DAGLB: variants seen among roughly 807,000 people sequenced by gnomAD.
DAGLB encodes the protein diacylglycerol lipase-beta.
Under a neutral mutation model 72.1 loss-of-function variants are expected in DAGLB, and 66 were observed. The observed-to-expected ratio is 0.92, with a 90% CI of 0.75 to 1.12. The LOEUF (loss-of-function observed/expected upper bound fraction) is 1.12, where lower values mean the gene tolerates loss of function less well. Ranked by LOEUF, DAGLB falls within the 50% of genes most tolerant of loss-of-function variation. The pLI is 0.00. For synonymous variants in DAGLB, 414 were observed against 359.5 expected, an observed-to-expected ratio of 1.15 and a Z score of -1.71; for missense variants, 1,065 against 884.9, an observed-to-expected ratio of 1.20 and a Z score of -2.58.
intron 13 of DAGLB, among the ~76,000 whole-genome samples, chr7:6,412,340 G>C (rs1045548958): frequency 6.6e-6 from 1 of 152,306 alleles, no homozygotes; most frequent in South Asian, 2.1e-4. Context: ...CTATTTGGCA[G>C]CCTTGCTTTC....
intron 2 of DAGLB, among the ~76,000 whole-genome samples, chr7:6,440,464 C>T (rs1022737632): frequency 6.6e-6 from 1 of 152,174 alleles, no homozygotes; most frequent in Non-Finnish European, 1.5e-5. Context: ...GACTGAATTC[C>T]ACCTGCTCCA....
chr7:6,442,213 G>A (rs1057485733), intron 2 of DAGLB, among the ~76,000 whole-genome samples: 4 of 152,112 alleles, frequency 2.6e-5, no homozygotes, highest in African/African-American at 4.8e-5. Context: ...CTTGGTATGT[G>A]TGGGATGGGG....
intron 6 of DAGLB, among the ~76,000 whole-genome samples, chr7:6,428,465 T>C (rs1462630233): frequency 1.3e-5 from 2 of 151,396 alleles, no homozygotes; most frequent in Non-Finnish European, 2.9e-5. Flanking sequence ...TACTTACTTG[T>C]TTTTTGTTTT....
chr7:6,437,153 C>CAAAA (rs1388685419), intron 2 of DAGLB, among the ~76,000 whole-genome samples: 137 of 104,890 alleles, frequency 1.3e-3, no homozygotes, highest in African/African-American at 4.9e-3. Context: ...GACTCCGTCT[C>CAAAA]AAAATAATAA....
At chr7:6,420,329 A>G (rs1784070964) in intron 9 of DAGLB, among the ~76,000 whole-genome samples, 1 of 151,952 alleles carries the variant, frequency 6.6e-6, no homozygotes, top group Non-Finnish European at 1.5e-5. Context: ...AGTCCCAGTT[A>G]CTTGGGAGGC....
intron 8 of DAGLB, 66 bp from the exon 9 acceptor site, chr7:6,421,870 G>A: frequency 1.9e-6 from 3 of 1,544,674 alleles, no homozygotes; most frequent in Non-Finnish European, 2.7e-6. Context: ...AATGACAGGT[G>A]GTCCCTGCTC....
intron 2 of DAGLB, among the ~76,000 whole-genome samples, chr7:6,443,651 T>A (rs189474286): frequency 9.2e-5 from 14 of 152,134 alleles, no homozygotes; most frequent in Non-Finnish European, 5.9e-5. Context: ...TATTCCAAAC[T>A]GTCAAGATCT....
chr7:6,444,766 C>T lies in DAGLB; in HGVS notation c.247+1187G>A, dbSNP rs1303578258. Among the ~76,000 whole-genome samples, 5 of 151,980 alleles carry T rather than the reference C, an allele frequency of 3.3e-5. No individual in the cohort carries two copies. The East Asian group carries it at 9.6e-4, about 29-fold the overall frequency. ...AGAAATGTTCCTCAAAGCCATGAGA[C>T]AAAAAACAAATGGCCTGTGGCCCCA... On this transcript the variant is annotated intron_variant, in intron 2 of 14. Coordinates refer to ENST00000297056, the MANE Select transcript of DAGLB (RefSeq NM_139179.4).
intron 11 of DAGLB, among the ~76,000 whole-genome samples, chr7:6,416,064 G>A (rs934524857): frequency 3.9e-5 from 6 of 152,048 alleles, no homozygotes; most frequent in Admixed American, 1.3e-4. Context: ...TTGCTTGTGG[G>A]GAGGGAGGGT....
chr7:6,430,877 G>A (rs1375802040), intron 5 of DAGLB, among the ~76,000 whole-genome samples: 1 of 151,878 alleles, frequency 6.6e-6, no homozygotes, highest in African/African-American at 2.4e-5. Context: ...CCAGGTTCAA[G>A]CAATTCCCCT....
At chr7:6,416,963 A>G (rs1466572787) in intron 9 of DAGLB, 42 bp from the exon 10 acceptor site, 2 of 1,607,118 alleles carry the variant, frequency 1.2e-6, no homozygotes, top group East Asian at 2.2e-5. Flanking sequence ...ATCCTCAGAC[A>G]AGGCAGGCCC....
chr7:6,430,250 CAT>C (rs57374634), intron 6 of DAGLB, among the ~76,000 whole-genome samples: 5,932 of 45,582 alleles, frequency 0.13, 518 homozygotes, highest in East Asian at 0.38. Flanking sequence ...AATACATGTG[CAT>C]ATATATATAT....
rs749889411 is a variant in DAGLB, at chr7:6,432,915, C to T, written c.723G>A (p.Leu241=). The T allele has an allele frequency of 1.2e-6, 2 of 1,613,598 alleles. No individual in the cohort carries two copies. Among genetic ancestry groups the T allele is most frequent in the Non-Finnish European group, 1.7e-6 (2 of 1,179,908 alleles). The change falls in exon 5 of 15, where the codon CTG becomes CTA. Residue 241 remains leucine, a synonymous_variant. Coordinates refer to ENST00000297056, the MANE Select transcript of DAGLB (RefSeq NM_139179.4). ...TGATATTGTCCTGTTGCTGATGAAGCAGGGCGAGGCCCGCCGCAATGTCGC... is the reference window on the plus strand; with the variant it reads ...TGATATTGTCCTGTTGCTGATGAAGTAGGGCGAGGCCCGCCGCAATGTCGC... ...VPSDIAAGLA[L]LHQQQDNIRN... is the part of the protein sequence containing the mutation.
At chr7:6,430,285 AGGGGGGAG>A (rs1784445348) in intron 6 of DAGLB, among the ~76,000 whole-genome samples, 187 bp downstream of exon 6, 1 of 98,416 alleles carries the variant, frequency 1.0e-5, no homozygotes, top group Non-Finnish European at 2.0e-5. Flanking sequence ...ATATATATGC[AGGGGGGAG>A]GGAGGGAGGG....
rs975109310 is a variant in DAGLB, at chr7:6,416,505, T to C, written c.1427+122A>G. On this transcript the variant is annotated intron_variant, in intron 11 of 14. Transcript: ENST00000297056. ...TTGCAGTGAGCCGAGATCACGCCAC[T>C]GCACTCCAGCCTGGGCGACAGAGCA... 2.8e-6 allele frequency: 4 copies of C among 1,437,642 alleles called. No individual in the cohort carries two copies. The African/African-American group carries it at 4.3e-5, about 15-fold the overall frequency. The allele number at this position is 1,437,642 out of a possible 1,614,324, so 89.1% of individuals were successfully genotyped here.
At chr7:6,415,254 A>G (rs1783867751) in intron 11 of DAGLB, among the ~76,000 whole-genome samples, 1 of 152,030 alleles carries the variant, frequency 6.6e-6, no homozygotes. Flanking sequence ...CTAGGCAACA[A>G]TTCATTATTC....
At position 6,436,412 on chromosome 7, in the gene DAGLB, A is replaced by C. The variant is rs1338839297; in HGVS notation, c.369T>G (p.Val123=). ...SLGAAWVADG[V]QCDRTVVNGI... is the part of the protein sequence containing the mutation. ...CGTTTACAACTGTCCTGTCGCACTG[A>C]ACACCATCTGCCACCCAGGCAGCCC... Residue 123 remains valine, a synonymous_variant, in exon 3 of 15, where the codon GTT becomes GTG. Transcript: ENST00000297056. The C allele has an allele frequency of 6.2e-7, 1 of 1,614,098 alleles. No homozygotes were observed. Among genetic ancestry groups the C allele is most frequent in the South Asian group, 1.1e-5 (1 of 91,074 alleles).
chr7:6,430,967 G>C (rs1372465602), intron 5 of DAGLB, among the ~76,000 whole-genome samples: 6 of 151,962 alleles, frequency 3.9e-5, no homozygotes, highest in Non-Finnish European at 7.4e-5. Flanking sequence ...GTAGAGACGG[G>C]GTTTCACCAT....
chr7:6,427,394 C>A (rs1264679024), intron 6 of DAGLB, among the ~76,000 whole-genome samples: 1 of 152,094 alleles, frequency 6.6e-6, no homozygotes, highest in Admixed American at 6.6e-5. Flanking sequence ...ACCCATGATG[C>A]CAGCACTTTG....
Sources: allele counts gnomAD v4.1 joint callset (sites outside exome capture counted in the v4.1 genomes callset), GRCh38; gene constraint gnomAD v4.1.1; transcripts MANE v1.5; gene names NCBI Gene and HGNC (gene_info 2026-07-23, HGNC 2026-07-21).